The following ABHD12 variants were observed in gnomAD, a reference collection of about 807,000 sequenced individuals.
ABHD12 encodes abhydrolase domain containing 12, lysophospholipase.
A neutral mutation model predicts 58.3 loss-of-function variants in ABHD12; 43 were observed. The ratio of observed to expected loss-of-function variants is 0.74; its 90% CI spans 0.58 to 0.95. The LOEUF is 0.95. ABHD12 is among the 40% of genes least tolerant of loss of function. The pLI, the probability that ABHD12 is intolerant of heterozygous loss-of-function variation, is 0.00. For synonymous variants in ABHD12, 219 were observed against 211.2 expected (o/e 1.04, Z -0.32); for missense variants, 539 against 537.2 (o/e 1.00, Z -0.03).
chr20:25,296,143 G>A (rs1181432965), downstream of ABHD12, among the ~76,000 whole-genome samples: 2 of 152,030 alleles, frequency 1.3e-5, no homozygotes, highest in African/African-American at 2.4e-5. Context: ...TTCGAGGCTG[G>A]GACCTTCTCT....
rs376242128 is a variant in ABHD12 at position 25,308,056 on chromosome 20, A to C, written c.788-11T>G. ...CATCTGGAGGCGTCTCTAGATAAAC[A>C]AACAGGGAACTGAGAGGTAGGCAGG... On this transcript the variant is annotated splice_polypyrimidine_tract_variant and intron_variant, in intron 8 of 12. Transcript: ENST00000339157. The C allele has an allele frequency of 4.2e-5, 66 of 1,567,888 alleles. No individual in the cohort carries two copies. In the African/African-American group the frequency reaches 7.3e-4, roughly 17 times the overall value.
intron 1 of ABHD12, among the ~76,000 whole-genome samples, chr20:25,375,480 GTCTC>G (rs767363310): frequency 6.6e-6 from 1 of 152,134 alleles, no homozygotes; most frequent in Non-Finnish European, 1.5e-5. Context: ...AGACCCCAGG[GTCTC>G]TCTCTGTGTT....
chr20:25,300,174 A>G (rs941030887), downstream of ABHD12: 1 of 989,324 alleles, frequency 1.0e-6, no homozygotes, highest in Non-Finnish European at 1.2e-6. Context: ...GGCATGGAGG[A>G]GGCAACATTG....
chr20:25,338,193 T>C (rs1379020893), intron 2 of ABHD12, among the ~76,000 whole-genome samples: 1 of 152,162 alleles, frequency 6.6e-6, no homozygotes, highest in Non-Finnish European at 1.5e-5. Context: ...CAGTACCTCC[T>C]GTGTTCCTCT....
intron 2 of ABHD12, chr20:25,338,909 T>A: frequency 8.6e-7 from 1 of 1,166,772 alleles, no homozygotes; most frequent in African/African-American, 1.6e-5. Context: ...GATACGCTGG[T>A]CCCCCAGGGC....
chr20:25,367,672 G>A (rs1308278869), intron 1 of ABHD12, among the ~76,000 whole-genome samples: 1 of 152,170 alleles, frequency 6.6e-6, no homozygotes, highest in African/African-American at 2.4e-5. Flanking sequence ...TACAGTACTT[G>A]TCTTTTTGTG....
rs189392198 is a variant in ABHD12 at position 25,351,325 on chromosome 20, T to G, written c.192-11974A>C. Among the ~76,000 whole-genome samples, 5 of 152,308 alleles carry G rather than the reference T, an allele frequency of 3.3e-5. No homozygotes were observed. The East Asian group carries it at 9.6e-4, about 29-fold the overall frequency. On this transcript the variant is annotated intron_variant, in intron 1 of 12. Coordinates refer to ENST00000339157, the MANE Select transcript of ABHD12 (RefSeq NM_001042472.3). ...TAGTTTGTGCTTGATGAACCCATAA[T>G]CAAAGAATTACTGTCCCATGATTAG... is the stretch of plus-strand genomic sequence containing the variant.
intron 1 of ABHD12, among the ~76,000 whole-genome samples, chr20:25,346,936 G>A (rs960137370): frequency 6.6e-6 from 1 of 152,040 alleles, no homozygotes; most frequent in Non-Finnish European, 1.5e-5. Flanking sequence ...AAGCCACTGC[G>A]CCCGGCCAAG....
chr20:25,368,660 G>C (rs1385530078), intron 1 of ABHD12: 1 of 1,364,258 alleles, frequency 7.3e-7, no homozygotes, highest in Admixed American at 1.7e-5. Context: ...CTCAGAGCAT[G>C]AAAGTTTTCT....
At chr20:25,299,960 G>A (rs1377526974), downstream of ABHD12, among the ~76,000 whole-genome samples, 1 of 152,194 alleles carries the variant, frequency 6.6e-6, no homozygotes, top group Non-Finnish European at 1.5e-5. Context: ...GTGAAGGAGT[G>A]TAACCGCGAG....
chr20:25,331,027 G>A (rs1271524719), intron 2 of ABHD12, among the ~76,000 whole-genome samples: 1 of 152,134 alleles, frequency 6.6e-6, no homozygotes, highest in Non-Finnish European at 1.5e-5. Flanking sequence ...AGCTACGGGA[G>A]GACATTCAAA....
At chr20:25,322,533 C>A (rs1206979831) in intron 3 of ABHD12, among the ~76,000 whole-genome samples, 1 of 150,228 alleles carries the variant, frequency 6.7e-6, no homozygotes, top group Non-Finnish European at 1.5e-5. Context: ...GCGCGTGCCA[C>A]CATGCCCAGC....
At chr20:25,296,436 C>T (rs142992981), downstream of ABHD12, 4 of 1,613,850 alleles carry the variant, frequency 2.5e-6, no homozygotes, top group African/African-American at 1.3e-5. Context: ...CTCCAGTGAC[C>T]GGACCATCAC....
intron 1 of ABHD12, among the ~76,000 whole-genome samples, chr20:25,378,728 T>C (rs1371556302): frequency 6.9e-6 from 1 of 145,222 alleles, no homozygotes; most frequent in Non-Finnish European, 1.5e-5. Flanking sequence ...ACCATGAAGC[T>C]CAGGACAACT....
intron 1 of ABHD12, among the ~76,000 whole-genome samples, chr20:25,358,441 C>G (rs529363678): frequency 6.6e-6 from 1 of 152,328 alleles, no homozygotes; most frequent in African/African-American, 2.4e-5. Context: ...ATTCCACCAA[C>G]TGTTGGTCTA....
chr20:25,372,484 C>A (rs906074244), intron 1 of ABHD12, among the ~76,000 whole-genome samples: 2 of 152,038 alleles, frequency 1.3e-5, no homozygotes, highest in Non-Finnish European at 2.9e-5. Flanking sequence ...GGATTACAGG[C>A]GTGAGCCACC....
At chr20:25,303,450 C>T in intron 11 of ABHD12, 100 bp downstream of exon 11, 3 of 1,551,712 alleles carry the variant, frequency 1.9e-6, no homozygotes, top group East Asian at 2.4e-5. Context: ...ATGCAGCATG[C>T]AGGGGCTGCC....
chr20:25,296,354 A>G (rs764644705), downstream of ABHD12: 55 of 1,613,700 alleles, frequency 3.4e-5, no homozygotes, highest in African/African-American at 5.3e-5. Flanking sequence ...GACTAATTTC[A>G]TCTCCTTCCC....
At chr20:25,339,373 T>C in intron 1 of ABHD12, 22 bp from the exon 2 acceptor site, 1 of 1,613,956 alleles carries the variant, frequency 6.2e-7, no homozygotes, top group African/African-American at 1.3e-5. Flanking sequence ...AAGCAATGAA[T>C]AGGTCAGAAG....
Sources: allele counts gnomAD v4.1 joint callset (sites outside exome capture counted in the v4.1 genomes callset), GRCh38; gene constraint gnomAD v4.1.1; transcripts MANE v1.5; gene names NCBI Gene and HGNC (gene_info 2026-07-23, HGNC 2026-07-21).